The following PDE2A variants were observed in gnomAD, a reference collection of about 807,000 sequenced individuals.
PDE2A encodes cGMP-dependent 3',5'-cyclic phosphodiesterase.
PDE2A carries 53 observed loss-of-function variants against 133.6 expected under a neutral mutation model. The observed-to-expected ratio is 0.40, with a 90% CI of 0.32 to 0.50. The LOEUF is 0.50. Ranked by LOEUF, PDE2A falls within the 20% of genes least tolerant of loss-of-function variation. The pLI is 0.73. For synonymous variants in PDE2A, 491 were observed against 490.2 expected, an observed-to-expected ratio of 1.00 and a Z score of -0.02; for missense variants, 796 against 1,232.4, an observed-to-expected ratio of 0.65 and a Z score of 5.30.
rs1490297378 is a variant in PDE2A at position 72,578,898 on chromosome 11, G to T, written c.2468C>A (p.Ala823Glu). Residue 823 changes from alanine to glutamate, a missense_variant and splice_region_variant, in exon 28 of 31, where the codon GCG becomes GAG. This residue lies in a region of PDE2A where 28 missense variants were observed against 86.0 expected (regional missense o/e 0.33). Transcript: ENST00000334456. The surrounding 1 kb of genome is among the most constrained non-coding windows in gnomAD (Gnocchi z 4.2). ...TKGWKTTRKI[A>E]ELIYKEFFSQ... Reference sequence around the variant, plus strand: ...CTTCCCAGGGAGGACTACACCTACCGCGATCTTTCTCGTAGTCTTCCAGCC... The same window carrying T: ...CTTCCCAGGGAGGACTACACCTACCTCGATCTTTCTCGTAGTCTTCCAGCC... 1.9e-6 allele frequency: 3 copies of T among 1,602,126 alleles called. No homozygotes were observed. The highest frequency in any genetic ancestry group is 1.3e-5 in the African/African-American group (1 of 74,786).
chr11:72,590,055 C>G lies in PDE2A; in HGVS notation c.757-74G>C. The G allele has an allele frequency of 7.0e-7, 1 of 1,435,794 alleles. No individual in the cohort carries two copies. Among genetic ancestry groups the G allele is most frequent in the Non-Finnish European group, 9.6e-7 (1 of 1,044,322 alleles). 88.9% of individuals were successfully genotyped at this position (1,435,794 alleles called of 1,614,324 possible). A position where few individuals can be genotyped will look rare whatever the true frequency, so the allele number is the denominator to read the frequency against. ...CCCCACTCCCCACCTGCTCCCCTCT[C>G]CGGGGCTCTTCAGGCGGGTGGAGGA... On this transcript the variant is annotated intron_variant, in intron 9 of 30. Transcript: ENST00000334456. The surrounding 1 kb of genome is among the most constrained non-coding windows in gnomAD (Gnocchi z 4.8).
At chr11:72,611,451 C>G (rs1857207966) in intron 2 of PDE2A, among the ~76,000 whole-genome samples, 1 of 152,162 alleles carries the variant, frequency 6.6e-6, no homozygotes, top group South Asian at 2.1e-4. Flanking sequence ...CTCAACCTGC[C>G]CTTTGCTTCA....
chr11:72,585,690 T>C (rs1855938158), intron 14 of PDE2A, 97 bp from the exon 15 acceptor site: 4 of 1,032,246 alleles, frequency 3.9e-6, no homozygotes, highest in Non-Finnish European at 5.9e-6. Flanking sequence ...TTCTCCTTCC[T>C]TCCCTAGGGC....
chr11:72,591,624 G>A (rs1316780443), intron 6 of PDE2A, among the ~76,000 whole-genome samples: 1 of 152,182 alleles, frequency 6.6e-6, no homozygotes, highest in Non-Finnish European at 1.5e-5. Flanking sequence ...CACAGTCCGG[G>A]TGTATGGTTC....
At chr11:72,670,089 G>A (rs1855351391) in intron 1 of PDE2A, among the ~76,000 whole-genome samples, 1 of 152,120 alleles carries the variant, frequency 6.6e-6, no homozygotes, top group Admixed American at 6.5e-5. Context: ...AACTCCTATA[G>A]TGCTAAGTGA....
At chr11:72,628,502 T>C (rs2135411248) in intron 2 of PDE2A, among the ~76,000 whole-genome samples, 2 of 152,244 alleles carry the variant, frequency 1.3e-5, no homozygotes, top group South Asian at 4.1e-4. Context: ...GGCTAATTTT[T>C]TGTATTTTTA....
intron 1 of PDE2A, among the ~76,000 whole-genome samples, chr11:72,650,525 C>T (rs1854707659): frequency 6.6e-6 from 1 of 152,122 alleles, no homozygotes; most frequent in South Asian, 2.1e-4. Context: ...TCTCTCATCC[C>T]CCCGTGCCCC....
intron 3 of PDE2A, among the ~76,000 whole-genome samples, chr11:72,606,394 T>A (rs999171377): frequency 6.6e-6 from 1 of 152,136 alleles, no homozygotes; most frequent in African/African-American, 2.4e-5. Flanking sequence ...GAAGAAGCAG[T>A]TGCCTTCCAT....
In PDE2A at chr11:72,583,874, G is replaced by C. The variant is rs1244877385; in HGVS notation, c.1650+327C>G. Among the ~76,000 whole-genome samples the C allele has an allele frequency of 5.3e-5, 8 of 152,136 alleles. No individual in the cohort carries two copies. The South Asian group carries it at 1.7e-3, about 32-fold the overall frequency. On this transcript the variant is annotated intron_variant, in intron 19 of 30. Coordinates refer to ENST00000334456, the MANE Select transcript of PDE2A (RefSeq NM_002599.5). ...CCAGGCCAGAGCGCCAGTAGGCCTG[G>C]ACACCGAGACCCAGCACTTCCAAAA...
rs777061249 is a variant in PDE2A at position 72,591,347 on chromosome 11, C to T, written c.499G>A (p.Gly167Ser). The T allele has an allele frequency of 6.2e-7, 1 of 1,613,676 alleles. No homozygotes were observed. Among genetic ancestry groups the T allele is most frequent in the Non-Finnish European group, 8.5e-7 (1 of 1,179,738 alleles). Residue 167 changes from glycine to serine, a missense_variant, in exon 7 of 31, where the codon GGC becomes AGC. Physicochemically the swap from Gly to Ser is moderately conservative, Grantham distance 56. Around this residue, in one of 7 missense-constraint regions of PDE2A, gnomAD observed 417 missense variants for 475.3 expected, o/e 0.88. Transcript: ENST00000334456. ...CATTCCTCATTATCACTCAGCTGGC[C>T]ACAGTGCACCTGGAGGGATGGGAGA... ...AVAAVILVHC[G>S]QLSDNEEWSL...
intron 2 of PDE2A, among the ~76,000 whole-genome samples, chr11:72,634,414 G>C (rs577615693): frequency 6.6e-5 from 10 of 152,334 alleles, no homozygotes; most frequent in African/African-American, 2.2e-4. Context: ...AGGGGAAGTG[G>C]GGGAGGCTGT....
At chr11:72,642,457 G>A (rs1414838582) in intron 1 of PDE2A, 131 bp from the exon 2 acceptor site, 2 of 1,051,272 alleles carry the variant, frequency 1.9e-6, no homozygotes, top group Non-Finnish European at 2.4e-6. Context: ...TGGTCCGCCC[G>A]AGTGTCCGCC....
chr11:72,623,944 C>A (rs763012758), intron 2 of PDE2A, among the ~76,000 whole-genome samples: 1 of 152,020 alleles, frequency 6.6e-6, no homozygotes, highest in African/African-American at 2.4e-5. Context: ...TCCCCTGCCA[C>A]GCACCATGCA....
intron 25 of PDE2A, 115 bp from the exon 26 acceptor site, chr11:72,579,723 G>A (rs1855634255): frequency 1.4e-6 from 1 of 704,778 alleles, no homozygotes; most frequent in South Asian, 1.7e-5. Context: ...CAGCAGAGCA[G>A]TCAGAAAGGG....
intron 1 of PDE2A, among the ~76,000 whole-genome samples, chr11:72,666,446 G>A (rs754687581): frequency 2.0e-5 from 3 of 152,074 alleles, no homozygotes; most frequent in African/African-American, 7.2e-5. Flanking sequence ...TGCCCAATCC[G>A]ATAGACTAGG....
intron 27 of PDE2A, 111 bp from the exon 28 acceptor site, chr11:72,579,120 T>TG: frequency 3.1e-6 from 3 of 972,406 alleles, no homozygotes; most frequent in Non-Finnish European, 4.9e-6. Flanking sequence ...GCACCCTTGA[T>TG]GGGAGCCAAG....
At chr11:72,599,796 T>C (rs1480203441) in intron 4 of PDE2A, among the ~76,000 whole-genome samples, 1 of 152,200 alleles carries the variant, frequency 6.6e-6, no homozygotes, top group African/African-American at 2.4e-5. Flanking sequence ...GGGTCAGACA[T>C]ATGCCTCACT....
intron 1 of PDE2A, among the ~76,000 whole-genome samples, chr11:72,657,477 T>A (rs181603670): frequency 9.9e-5 from 15 of 151,590 alleles, no homozygotes; most frequent in Non-Finnish European, 1.9e-4. Flanking sequence ...CCCCTGCCCC[T>A]CCCACTCCTC....
Position 72,578,176 on chromosome 11 carries a change from C to A in PDE2A, c.2615+57G>T. The stretch of plus-strand genomic sequence containing the variant: ...AGCACCTGTGTTTCCTGTGATGTCC[C>A]CACTCCAGCCTACCCTCTCTGTGCA... On this transcript the variant is annotated intron_variant, in intron 30 of 30. Coordinates refer to ENST00000334456, the MANE Select transcript of PDE2A (RefSeq NM_002599.5). This position sits in a 1 kb window ranked among gnomAD's most constrained non-coding sequence, Gnocchi z 4.2. 1 of 1,105,558 alleles carries A rather than the reference C, an allele frequency of 9.0e-7. No homozygotes were observed. The highest frequency in any genetic ancestry group is 1.4e-6 in the Non-Finnish European group (1 of 718,222). The allele number at this position is 1,105,558 out of a possible 1,614,324, so 68.5% of individuals were successfully genotyped here.
Sources: gnomAD v4.1 joint callset for allele counts (sites outside exome capture counted in the v4.1 genomes callset) on GRCh38, gnomAD v4.1.1 for gene constraint, gnomAD v4.1.1 regional missense constraint, Gnocchi (gnomAD v3.1) non-coding constraint, MANE v1.5 for transcripts, NCBI Gene and HGNC (gene_info 2026-07-23, HGNC 2026-07-21) for gene names.